Variants in IGSF21 observed in about 807,000 individuals in gnomAD.
The protein encoded by IGSF21 is immunoglobulin superfamily member 21.
IGSF21 carries 28 observed loss-of-function variants against 46.8 expected under a neutral mutation model. The observed-to-expected ratio is 0.60, with a 90% CI of 0.44 to 0.82. IGSF21 has a LOEUF of 0.82. Among genes scored for constraint, IGSF21 ranks in the 40% least tolerant of loss-of-function variants. The pLI, the probability that IGSF21 is intolerant of heterozygous loss-of-function variation, is 0.00. For missense variants in IGSF21, 624 were observed against 665.5 expected, an observed-to-expected ratio of 0.94 and a Z score of 0.69; for synonymous variants, 284 against 273.6, an observed-to-expected ratio of 1.04 and a Z score of -0.38.
rs770681777 is a variant in IGSF21 at position 18,322,264 on chromosome 1, A to G, written c.306-12628A>G. ...GAGGGACCTGATGCTGACCTTGCCC[A>G]CAGTAGGGGCACAGCCATGTTCATT... On this transcript the variant is annotated intron_variant, in intron 3 of 9. Coordinates refer to ENST00000251296, the MANE Select transcript of IGSF21 (RefSeq NM_032880.5). The surrounding 1 kb of genome is among the most constrained non-coding windows in gnomAD (Gnocchi z 4.3). Among the ~76,000 whole-genome samples the G allele has an allele frequency of 6.6e-6, 1 of 152,066 alleles. No homozygotes were observed. The highest frequency in any genetic ancestry group is 1.5e-5 in the Non-Finnish European group (1 of 68,034).
chr1:18,178,844 C>T (rs1440299385), intron 1 of IGSF21, among the ~76,000 whole-genome samples: 2 of 152,096 alleles, frequency 1.3e-5, no homozygotes, highest in Non-Finnish European at 2.9e-5. Flanking sequence ...GTTCGGGGAG[C>T]GAGCGCAGGG....
chr1:18,369,455 G>T (rs2086202570), intron 6 of IGSF21, among the ~76,000 whole-genome samples: 1 of 152,190 alleles, frequency 6.6e-6, no homozygotes, highest in South Asian at 2.1e-4. Context: ...TCTTAGGTCA[G>T]CCAGCCAAGG....
intron 9 of IGSF21, 43 bp downstream of exon 9, chr1:18,377,474 C>T: frequency 2.0e-6 from 3 of 1,520,244 alleles, no homozygotes; most frequent in African/African-American, 1.4e-5. Flanking sequence ...AAGGGAGTGG[C>T]TTTTGAGGCG....
At position 18,225,286 on chromosome 1, in the gene IGSF21, A is replaced by G. The variant is rs372230159; in HGVS notation, c.71-2612A>G. ...GAGTGCGTATGCAGTGGGCTCTCTG[A>G]TCTCACCCTGGCATGCCTCTGTGAA... On this transcript the variant is annotated intron_variant, in intron 1 of 9. Coordinates refer to ENST00000251296, the MANE Select transcript of IGSF21 (RefSeq NM_032880.5). 3.4e-4 allele frequency among the ~76,000 whole-genome samples: 51 copies of G among 151,772 alleles called. No homozygotes were observed. In the East Asian group the frequency reaches 6.2e-3, roughly 19 times the overall value.
chr1:18,318,322 G>A (rs1031019691), intron 3 of IGSF21, among the ~76,000 whole-genome samples: 17 of 152,242 alleles, frequency 1.1e-4, no homozygotes, highest in African/African-American at 3.9e-4. Context: ...TCCTTACATT[G>A]TTGGCAATTG....
chr1:18,350,215 T>C (rs375808390), intron 4 of IGSF21, among the ~76,000 whole-genome samples: 11 of 152,176 alleles, frequency 7.2e-5, no homozygotes, highest in African/African-American at 2.7e-4. Context: ...GGGGAGCCCA[T>C]GGCCAGGATG....
chr1:18,310,036 A>G (rs1232132254), intron 3 of IGSF21, among the ~76,000 whole-genome samples: 1 of 152,102 alleles, frequency 6.6e-6, no homozygotes, highest in Non-Finnish European at 1.5e-5. Context: ...TTTACACACC[A>G]CTAAAGATCC....
At chr1:18,305,698 C>T (rs78391202) in intron 3 of IGSF21, among the ~76,000 whole-genome samples, 4,661 of 152,230 alleles carry the variant, frequency 0.031, 193 homozygotes, top group African/African-American at 0.092. Flanking sequence ...TAAAACTTGC[C>T]ATTGATAGAA....
intron 1 of IGSF21, among the ~76,000 whole-genome samples, chr1:18,146,368 G>A (rs1336744887): frequency 6.6e-6 from 1 of 152,096 alleles, no homozygotes; most frequent in East Asian, 1.9e-4. Flanking sequence ...TATGGAGGTG[G>A]GGCAACGTGA....
intron 1 of IGSF21, among the ~76,000 whole-genome samples, chr1:18,157,571 G>A (rs748983314): frequency 2.0e-5 from 3 of 152,190 alleles, no homozygotes; most frequent in South Asian, 2.1e-4. Flanking sequence ...TGTTCTCAAC[G>A]TGTCCGCTCT....
At chr1:18,189,854 TTTGAACTTGG>T (rs1409662446) in intron 1 of IGSF21, among the ~76,000 whole-genome samples, 1 of 152,094 alleles carries the variant, frequency 6.6e-6, no homozygotes, top group East Asian at 1.9e-4. Flanking sequence ...TGGTACCGGA[TTTGAACTTGG>T]TTCCTCTGCC....
chr1:18,291,151 G>A (rs934102169), intron 2 of IGSF21, among the ~76,000 whole-genome samples: 7 of 152,234 alleles, frequency 4.6e-5, no homozygotes, highest in Non-Finnish European at 7.3e-5. Context: ...GCTTGGGTTC[G>A]CTTTCCATCA....
chr1:18,362,464 C>T (rs2086112010), intron 5 of IGSF21, among the ~76,000 whole-genome samples: 1 of 152,224 alleles, frequency 6.6e-6, no homozygotes, highest in Admixed American at 6.5e-5. Context: ...CTCCTGGAGA[C>T]AAAGTACTAG....
chr1:18,236,675 C>G (rs574903783), intron 2 of IGSF21, among the ~76,000 whole-genome samples: 101 of 152,254 alleles, frequency 6.6e-4, no homozygotes, highest in African/African-American at 2.4e-3. Context: ...GAAAAGTAGA[C>G]CAACAGAGAG....
rs201403284 is a variant in IGSF21 at position 18,245,429 on chromosome 1, C to T, written c.183+17419C>T. On this transcript the variant is annotated intron_variant, in intron 2 of 9. Transcript: ENST00000251296. ...TTGTGTAGCAAATTAAAAGAGCTCT[C>T]AAGTATTTGTTTTTTTATTATTATA... 5.3e-5 allele frequency among the ~76,000 whole-genome samples: 8 copies of T among 152,194 alleles called. No individual in the cohort carries two copies. The East Asian group carries it at 1.4e-3, about 26-fold the overall frequency.
chr1:18,158,513 T>G lies in IGSF21; in HGVS notation c.70+50315T>G, dbSNP rs575151460. On this transcript the variant is annotated intron_variant, in intron 1 of 9. Coordinates refer to ENST00000251296, the MANE Select transcript of IGSF21 (RefSeq NM_032880.5). ...TTCTGCCCACCCACCCAGGCCCGGG[T>G]GTCTGCTGCCCACTCCTGACCAGGG... is the stretch of plus-strand genomic sequence containing the variant. Among the ~76,000 whole-genome samples the G allele has an allele frequency of 1.1e-3, 169 of 152,040 alleles. 1 individual carries two copies. The highest frequency in any genetic ancestry group is 3.8e-3 in the African/African-American group (159 of 41,486).
At chr1:18,163,392 G>C (rs577706248) in intron 1 of IGSF21, among the ~76,000 whole-genome samples, 1 of 152,082 alleles carries the variant, frequency 6.6e-6, no homozygotes, top group African/African-American at 2.4e-5. Flanking sequence ...GAGGTGAGAG[G>C]GTGGAGGGAG....
In IGSF21 at chr1:18,378,368, A is replaced by C. The variant is rs1043459; in HGVS notation, c.*42A>C. On this transcript the variant is annotated 3_prime_UTR_variant, in exon 10 of 10. Coordinates refer to ENST00000251296, the MANE Select transcript of IGSF21 (RefSeq NM_032880.5). ...CACTCCATCAGGCACTGACATCTCC[A>C]CGACCGGTTTTCATTTCTTTTCTAA... 12 of 1,508,160 alleles carry C rather than the reference A, an allele frequency of 8.0e-6. No individual in the cohort carries two copies. The highest frequency in any genetic ancestry group is 1.1e-5 in the South Asian group (1 of 88,306). The allele number at this position is 1,508,160 out of a possible 1,614,324, so 93.4% of individuals were successfully genotyped here. A position where few individuals can be genotyped will look rare whatever the true frequency, so the allele number is the denominator to read the frequency against.
intron 2 of IGSF21, among the ~76,000 whole-genome samples, chr1:18,286,279 C>A (rs1383561404): frequency 1.3e-5 from 2 of 152,210 alleles, no homozygotes; most frequent in Non-Finnish European, 2.9e-5. Flanking sequence ...TTCCTGTCTG[C>A]AAATGGGGAT....
Sources: allele counts gnomAD v4.1 joint callset (sites outside exome capture counted in the v4.1 genomes callset), GRCh38; gene constraint gnomAD v4.1.1; non-coding constraint Gnocchi (gnomAD v3.1); transcripts MANE v1.5; gene names NCBI Gene and HGNC (gene_info 2026-07-23, HGNC 2026-07-21).